ADORA2B: variants seen among roughly 807,000 people sequenced by gnomAD.
ADORA2B encodes adenosine A2b receptor.
ADORA2B carries 18 observed loss-of-function variants against 20.8 expected under a neutral mutation model. The ratio of observed to expected loss-of-function variants is 0.87; its 90% CI spans 0.60 to 1.29. The LOEUF (loss-of-function observed/expected upper bound fraction) is 1.29. ADORA2B is among the 50% of genes most tolerant of loss of function. The pLI is 0.00. For synonymous variants in ADORA2B, 179 were observed against 178.3 expected, an observed-to-expected ratio of 1.00 and a Z score of -0.03; for missense variants, 441 against 422.7, an observed-to-expected ratio of 1.04 and a Z score of -0.38.
At chr17:15,903,552 T>C in the ADORA2B span, among the ~76,000 whole-genome samples, 1 of 152,088 alleles carries the variant, frequency 6.6e-6, no homozygotes, top group Non-Finnish European at 1.5e-5. Flanking sequence ...TGCTTCAAAA[T>C]TGCCTCCAGC....
At position 15,945,546 on chromosome 17, in the gene ADORA2B, GCAGTCGACAGATACCTGGC is replaced by G; in HGVS notation, c.301_319del (p.Val101SerfsTer32). The G allele has an allele frequency of 1.3e-6, 2 of 1,587,146 alleles. No individual in the cohort carries two copies. Among genetic ancestry groups the G allele is most frequent in the Non-Finnish European group, 1.7e-6 (2 of 1,169,616 alleles). On this transcript the variant is annotated frameshift_variant, in exon 1 of 2. Transcript: ENST00000304222. LOFTEE classifies it high-confidence loss of function. ...CTCCATCTTCAGCCTTCTGGCCGTG[GCAGTCGACAGATACCTGGC>G]CATCTGTGTCCCGCTCAGGTGAGGC... is the stretch of plus-strand genomic sequence containing the variant.
At chr17:15,942,061 T>C (rs1969749997), upstream of ADORA2B, among the ~76,000 whole-genome samples, 1 of 152,046 alleles carries the variant, frequency 6.6e-6, no homozygotes, top group Admixed American at 6.5e-5. Context: ...TGAAACTCAG[T>C]GGACTGCAAC....
chr17:15,947,583 GTC>G (rs1969825168), intron 1 of ADORA2B, among the ~76,000 whole-genome samples: 2 of 152,228 alleles, frequency 1.3e-5, no homozygotes, highest in Non-Finnish European at 2.9e-5. Flanking sequence ...GAGCTTGGAG[GTC>G]TGGAAGAGGT....
chr17:15,893,035 A>C, the ADORA2B span, among the ~76,000 whole-genome samples: 1 of 151,486 alleles, frequency 6.6e-6, no homozygotes, highest in Non-Finnish European at 1.5e-5. Context: ...CAACCTCAAC[A>C]CTCTGGGAAG....
chr17:15,950,022 G>A (rs1237021302), intron 1 of ADORA2B, among the ~76,000 whole-genome samples: 1 of 152,108 alleles, frequency 6.6e-6, no homozygotes, highest in Non-Finnish European at 1.5e-5. Flanking sequence ...CCTGCAAAAC[G>A]TATGTCCATA....
In ADORA2B at chr17:15,945,359, T is replaced by A. The variant is rs148714288; in HGVS notation, c.111T>A (p.Thr37=). 3.1e-6 allele frequency: 5 copies of A among 1,610,704 alleles called. No individual in the cohort carries two copies. The African/African-American group carries it at 6.7e-5, about 22-fold the overall frequency. The change falls in exon 1 of 2, where the codon ACT becomes ACA. Residue 37 remains threonine, a synonymous_variant. Transcript: ENST00000304222. ...GCGCCGCGGTGGGCACGGCGAACAC[T>A]CTGCAGACGCCCACCAACTACTTCC... is the stretch of plus-strand genomic sequence containing the variant. ...LVCAAVGTAN[T]LQTPTNYFLV...
intron 1 of ADORA2B, among the ~76,000 whole-genome samples, chr17:15,963,809 C>T (rs369310370): frequency 6.6e-6 from 1 of 152,164 alleles, no homozygotes; most frequent in Non-Finnish European, 1.5e-5. Flanking sequence ...CTTTCTTGAC[C>T]GCAACCTGCA....
At chr17:15,856,826 A>G in the ADORA2B span, among the ~76,000 whole-genome samples, 2 of 152,250 alleles carry the variant, frequency 1.3e-5, no homozygotes, top group East Asian at 1.9e-4. Flanking sequence ...ATCAGAGCAT[A>G]AAAGTTTGGA....
In ADORA2B at chr17:15,975,230, A is replaced by T. The variant is rs200741295; in HGVS notation, c.887A>T (p.Asp296Val). The change falls in exon 2 of 2, where the codon GAC (aspartate) becomes GTC (valine). Residue 296 changes from aspartate (D) to valine (V), a missense_variant. Asp to Val is a radical substitution (Grantham distance 152). Coordinates refer to ENST00000304222, the MANE Select transcript of ADORA2B (RefSeq NM_000676.4). Reference sequence around the variant, plus strand: ...ATTGTCTATGCTTACCGGAACCGAGACTTCCGCTACACTTTTCACAAAATT... The same window carrying T: ...ATTGTCTATGCTTACCGGAACCGAGTCTTCCGCTACACTTTTCACAAAATT... Reference protein sequence around the residue: ...NPIVYAYRNRDFRYTFHKIIS... With the variant: ...NPIVYAYRNRVFRYTFHKIIS... 5.0e-6 allele frequency: 8 copies of T among 1,613,954 alleles called. No homozygotes were observed. The South Asian group carries it at 8.8e-5, about 18-fold the overall frequency.
At chr17:15,912,661 G>A in the ADORA2B span, among the ~76,000 whole-genome samples, 1 of 152,218 alleles carries the variant, frequency 6.6e-6, no homozygotes, top group African/African-American at 2.4e-5. Context: ...ACCTGCAGCT[G>A]TCTTCAGCTG....
At chr17:15,937,910 A>AT in the ADORA2B span, among the ~76,000 whole-genome samples, 1 of 152,068 alleles carries the variant, frequency 6.6e-6, no homozygotes, top group African/African-American at 2.4e-5. Context: ...TGGACATGTC[A>AT]TTTTTTAGTT....
the ADORA2B span, among the ~76,000 whole-genome samples, chr17:15,925,099 G>A: frequency 2.6e-5 from 4 of 152,154 alleles, no homozygotes; most frequent in Non-Finnish European, 2.9e-5. Context: ...GCAGTGGCAC[G>A]ATCTTGGCTC....
the ADORA2B span, among the ~76,000 whole-genome samples, chr17:15,886,243 G>GTATTTATTTATTTA: frequency 1.5e-5 from 2 of 132,872 alleles, no homozygotes; most frequent in Non-Finnish European, 3.2e-5. Context: ...GAATCTTGTA[G>GTATTTATTTATTTA]TGGCTCGCCC....
the ADORA2B span, among the ~76,000 whole-genome samples, chr17:15,929,973 A>G: frequency 6.6e-6 from 1 of 152,214 alleles, no homozygotes; most frequent in Non-Finnish European, 1.5e-5. Flanking sequence ...GTGAATGTAC[A>G]TTTTGGTTAA....
chr17:15,928,840 A>C, the ADORA2B span, among the ~76,000 whole-genome samples: 1 of 152,116 alleles, frequency 6.6e-6, no homozygotes, highest in Non-Finnish European at 1.5e-5. Flanking sequence ...GAGGATGAGA[A>C]ACCTTCCCTG....
chr17:15,859,031 C>T, the ADORA2B span, among the ~76,000 whole-genome samples: 1 of 152,034 alleles, frequency 6.6e-6, no homozygotes, highest in South Asian at 2.1e-4. Flanking sequence ...GCTTTGTTGC[C>T]CAGGCTGGTC....
chr17:15,952,709 G>A lies in ADORA2B; in HGVS notation c.335+7126G>A, dbSNP rs1220073879. On this transcript the variant is annotated intron_variant, in intron 1 of 1. Transcript: ENST00000304222. ...AAAGAAGCTAAGCCCTGGCCAATGT[G>A]AATGGAATCTCACAGCATTTGCCTG... 1.1e-4 allele frequency among the ~76,000 whole-genome samples: 16 copies of A among 152,220 alleles called. 1 individual carries two copies. The highest frequency in any genetic ancestry group is 1.9e-4 in the Non-Finnish European group (13 of 68,034).
At chr17:15,870,561 C>G in the ADORA2B span, among the ~76,000 whole-genome samples, 1 of 143,594 alleles carries the variant, frequency 7.0e-6, no homozygotes, top group Non-Finnish European at 1.5e-5. Flanking sequence ...TGCAGTGAGC[C>G]AAGATCGCGC....
the ADORA2B span, among the ~76,000 whole-genome samples, chr17:15,855,792 A>G: frequency 7.2e-5 from 11 of 152,264 alleles, no homozygotes; most frequent in African/African-American, 2.4e-4. Flanking sequence ...TGATCCCATC[A>G]TTCGGGTGGT....
Sources: allele counts gnomAD v4.1 joint callset (sites outside exome capture counted in the v4.1 genomes callset), GRCh38; gene constraint gnomAD v4.1.1; transcripts MANE v1.5; gene names NCBI Gene and HGNC (gene_info 2026-07-23, HGNC 2026-07-21).